Variants in POLH observed in about 807,000 individuals in gnomAD.
POLH encodes DNA polymerase eta transcript.
Under a neutral mutation model 73.6 loss-of-function variants are expected in POLH, and 53 were observed. That is an observed-to-expected ratio of 0.72 (90% CI 0.58 to 0.91). POLH has a LOEUF of 0.91. POLH is among the 40% of genes least tolerant of loss of function. The probability of loss-of-function intolerance (pLI) is 0.00; values close to 1 mark genes in which losing one functional copy is unlikely to be tolerated. For synonymous variants in POLH, 292 were observed against 308.5 expected (o/e 0.95, Z 0.56); for missense variants, 768 against 865.4 (o/e 0.89, Z 1.41).
chr6:43,580,758 CG>C (rs1404496541), intron 1 of POLH, among the ~76,000 whole-genome samples: 1 of 130,896 alleles, frequency 7.6e-6, no homozygotes, highest in East Asian at 2.4e-4. Context: ...GCTGGCCGGG[CG>C]GGGGGCCGAC....
intron 1 of POLH, among the ~76,000 whole-genome samples, chr6:43,576,714 C>T (rs1763385354): frequency 6.6e-6 from 1 of 152,158 alleles, no homozygotes; most frequent in Non-Finnish European, 1.5e-5. Flanking sequence ...ATTGGGGTAA[C>T]TCGAGATGTT....
chr6:43,583,748 C>T (rs1461450786), intron 3 of POLH, among the ~76,000 whole-genome samples: 1 of 152,170 alleles, frequency 6.6e-6, no homozygotes, highest in Non-Finnish European at 1.5e-5. Context: ...TAGGCAATAT[C>T]TCTATTAAAT....
Position 43,601,036 on chromosome 6 carries a change from C to T in POLH, c.709C>T (p.Leu237=). ...ACTAAACAAGCCCAACCGCCAAACCCTGGTTTCACATGGGTCAGTCCCACA... is the reference window on the plus strand; with the variant it reads ...ACTAAACAAGCCCAACCGCCAAACCTTGGTTTCACATGGGTCAGTCCCACA... ...CGLNKPNRQT[L]VSHGSVPQLF... Residue 237 remains leucine (L), a synonymous_variant, in exon 6 of 11, where the codon CTG becomes TTG. Transcript: ENST00000372236. The T allele has an allele frequency of 1.9e-6, 3 of 1,614,162 alleles. No individual in the cohort carries two copies. Among genetic ancestry groups the T allele is most frequent in the Non-Finnish European group, 2.5e-6 (3 of 1,180,022 alleles).
chr6:43,595,633 C>T (rs1765960323), intron 4 of POLH, among the ~76,000 whole-genome samples: 1 of 151,948 alleles, frequency 6.6e-6, no homozygotes, highest in African/African-American at 2.4e-5. Context: ...CGACTGTAGT[C>T]CCAGCTACTT....
chr6:43,582,390 G>A lies in POLH; in HGVS notation c.71G>A (p.Arg24Gln), dbSNP rs1321149114. ...TGTTTTTTTGTTCAAGTGGAGCAGCGGCAAAATCCTCATTTGAGGAATAAA... is the reference window on the plus strand; with the variant it reads ...TGTTTTTTTGTTCAAGTGGAGCAGCAGCAAAATCCTCATTTGAGGAATAAA... ...MDCFFVQVEQ[R>Q]QNPHLRNKPC... The change falls in exon 2 of 11, where the codon CGG becomes CAG. Residue 24 changes from arginine to glutamine, a missense_variant. Physicochemically the swap from Arg to Gln is conservative, Grantham distance 43. Coordinates refer to ENST00000372236, the MANE Select transcript of POLH (RefSeq NM_006502.3). The A allele has an allele frequency of 1.9e-6, 3 of 1,613,974 alleles. No individual in the cohort carries two copies. Among genetic ancestry groups the A allele is most frequent in the Non-Finnish European group, 2.5e-6 (3 of 1,179,886 alleles).
Position 43,603,814 on chromosome 6 carries a change from A to C in POLH, c.765-78A>C, listed in dbSNP as rs1480321419. ...TGAACCTTTTGGAGAGCTGTTTACA[A>C]AGTAGAATGTCTTACGTTTGCTGCT... On this transcript the variant is annotated intron_variant, in intron 6 of 10. Coordinates refer to ENST00000372236, the MANE Select transcript of POLH (RefSeq NM_006502.3). 3 of 1,456,282 alleles carry C rather than the reference A, an allele frequency of 2.1e-6. No homozygotes were observed. In the Admixed American group the frequency reaches 5.0e-5, roughly 24 times the overall value. The allele number at this position is 1,456,282 out of a possible 1,614,324, so 90.2% of individuals were successfully genotyped here.
chr6:43,596,311 A>G (rs908142211), intron 4 of POLH, among the ~76,000 whole-genome samples: 5 of 152,076 alleles, frequency 3.3e-5, no homozygotes, highest in Non-Finnish European at 5.9e-5. Flanking sequence ...GTGAAACCCC[A>G]TCTCTACTAA....
intron 1 of POLH, among the ~76,000 whole-genome samples, chr6:43,576,895 C>G (rs956923717): frequency 1.3e-5 from 2 of 152,248 alleles, no homozygotes; most frequent in Admixed American, 6.5e-5. Flanking sequence ...GTGGCTCACG[C>G]CTGTAATCCC....
chr6:43,582,510 G>A, intron 2 of POLH, 54 bp downstream of exon 2: 1 of 1,575,588 alleles, frequency 6.3e-7, no homozygotes, highest in Non-Finnish European at 8.7e-7. Context: ...GTGGCACTGT[G>A]GCAGGTCCTT....
chr6:43,615,063 T>G lies in POLH; in HGVS notation c.*506T>G, dbSNP rs1211925243. 1 of 153,294 alleles carries G rather than the reference T, an allele frequency of 6.5e-6. No individual in the cohort carries two copies. The highest frequency in any genetic ancestry group is 1.4e-5 in the Non-Finnish European group (1 of 69,040). 9.5% of individuals were successfully genotyped at this position (153,294 alleles called of 1,614,324 possible). On this transcript the variant is annotated 3_prime_UTR_variant, in exon 11 of 11. Coordinates refer to ENST00000372236, the MANE Select transcript of POLH (RefSeq NM_006502.3). ...CAGACAGATCACCTGAGGTCAGGAG[T>G]TTGAGACCAGCCTGGCCAACATGGC...
At position 43,615,302 on chromosome 6, in the gene POLH, C is replaced by T. The variant is rs1768249936; in HGVS notation, c.*745C>T. The T allele has an allele frequency of 6.6e-6, 1 of 151,928 alleles. No homozygotes were observed. The highest frequency in any genetic ancestry group is 2.4e-5 in the African/African-American group (1 of 40,980). The allele number at this position is 151,928 out of a possible 1,614,324, so 9.4% of individuals were successfully genotyped here. ...TAGGGGCCAGGCACAGTGGCTCATA[C>T]CTGTAATGCCAGCACTTTGGGAGGC... On this transcript the variant is annotated 3_prime_UTR_variant, in exon 11 of 11. Coordinates refer to ENST00000372236, the MANE Select transcript of POLH (RefSeq NM_006502.3).
At position 43,619,145 on chromosome 6, in the gene POLH, G is replaced by A. The variant is rs1561919514; in HGVS notation, c.*4588G>A. ...TAATCCTAACACTTTGGGAGGCTGAGGTGGGTGGACTACTGGAGCCCTGGA... is the reference window on the plus strand; with the variant it reads ...TAATCCTAACACTTTGGGAGGCTGAAGTGGGTGGACTACTGGAGCCCTGGA... On this transcript the variant is annotated 3_prime_UTR_variant, in exon 11 of 11. Coordinates refer to ENST00000372236, the MANE Select transcript of POLH (RefSeq NM_006502.3). Among the ~76,000 whole-genome samples the A allele has an allele frequency of 6.6e-6, 1 of 152,014 alleles. No homozygotes were observed. Among genetic ancestry groups the A allele is most frequent in the Non-Finnish European group, 1.5e-5 (1 of 68,008 alleles).
At chr6:43,581,862 G>A (rs1348101978) in intron 1 of POLH, among the ~76,000 whole-genome samples, 1 of 150,536 alleles carries the variant, frequency 6.6e-6, no homozygotes, top group East Asian at 1.9e-4. Context: ...CCAGCCCGCG[G>A]CGCCTTCGAG....
intron 1 of POLH, among the ~76,000 whole-genome samples, chr6:43,580,897 C>G (rs1375882003): frequency 2.0e-5 from 3 of 146,774 alleles, no homozygotes; most frequent in African/African-American, 5.0e-5. Flanking sequence ...GAGGGCTGAC[C>G]CCCCCACCTC....
At chr6:43,600,672 C>G (rs1446645345) in intron 5 of POLH, among the ~76,000 whole-genome samples, 1 of 152,072 alleles carries the variant, frequency 6.6e-6, no homozygotes, top group Non-Finnish European at 1.5e-5. Flanking sequence ...TTGAGTTTCT[C>G]CTGCAGTTTC....
chr6:43,608,045 C>T (rs1430693488), intron 9 of POLH, among the ~76,000 whole-genome samples: 5 of 152,136 alleles, frequency 3.3e-5, no homozygotes, highest in Non-Finnish European at 5.9e-5. Context: ...GCAAGAGAAT[C>T]GCTTGAACCT....
rs188784259 is a variant in POLH at position 43,608,584 on chromosome 6, A to C, written c.1075-1970A>C. ...CATCCGTGCTGGAGCACAGTAATAC[A>C]ACCTTAGCTCACTGCAGCCTTGTAG... On this transcript the variant is annotated intron_variant, in intron 9 of 10. Transcript: ENST00000372236. 4.6e-5 allele frequency among the ~76,000 whole-genome samples: 7 copies of C among 152,248 alleles called. No individual in the cohort carries two copies. In the East Asian group the frequency reaches 1.2e-3, roughly 25 times the overall value.
Position 43,612,022 on chromosome 6 carries a change from C to T in POLH, c.1244+1299C>T, listed in dbSNP as rs980976649. Among the ~76,000 whole-genome samples the T allele has an allele frequency of 2.0e-5, 3 of 152,122 alleles. No homozygotes were observed. The East Asian group carries it at 5.8e-4, about 29-fold the overall frequency. ...GGTGAGCCGAGATTGCGCCATTGCA[C>T]TCCAGCCTGGGCAACAAGAGCGAAA... On this transcript the variant is annotated intron_variant, in intron 10 of 10. Transcript: ENST00000372236.
chr6:43,584,215 T>C (rs1260685604), intron 3 of POLH, among the ~76,000 whole-genome samples: 1 of 152,196 alleles, frequency 6.6e-6, no homozygotes, highest in East Asian at 1.9e-4. Context: ...TTCTAGTATC[T>C]ATGTTCTCAA....
Sources: gnomAD v4.1 joint callset for allele counts (sites outside exome capture counted in the v4.1 genomes callset) on GRCh38, gnomAD v4.1.1 for gene constraint, MANE v1.5 for transcripts, NCBI Gene and HGNC (gene_info 2026-07-23, HGNC 2026-07-21) for gene names.